Variants in GLI3 observed in about 807,000 individuals in gnomAD.
GLI3 encodes the protein GLI family zinc finger 3.
GLI3 carries 20 observed loss-of-function variants against 100.8 expected under a neutral mutation model. The ratio of observed to expected loss-of-function variants is 0.20; its 90% CI spans 0.14 to 0.29. GLI3 has a LOEUF of 0.29. Ranked by LOEUF, GLI3 falls within the 10% of genes least tolerant of loss-of-function variation. The probability of loss-of-function intolerance (pLI) is 1.00; values close to 1 mark genes in which losing one functional copy is unlikely to be tolerated. For missense variants in GLI3, 2,040 were observed against 2,128.5 expected (o/e 0.96, Z 0.82); for synonymous variants, 938 against 860.5 (o/e 1.09, Z -1.58).
At chr7:42,023,874 CA>C (rs1789021900) in intron 9 of GLI3, among the ~76,000 whole-genome samples, 1 of 151,718 alleles carries the variant, frequency 6.6e-6, no homozygotes, top group African/African-American at 2.4e-5. Flanking sequence ...GCCCTGATTA[CA>C]AAGCTGAAAA....
intron 7 of GLI3, among the ~76,000 whole-genome samples, chr7:42,038,913 T>C (rs1203325461): frequency 4.6e-5 from 7 of 152,180 alleles, no homozygotes; most frequent in Admixed American, 4.6e-4. Context: ...GGAAGACCTA[T>C]CAATGAACAA....
rs779333981 is a variant in GLI3 at position 41,972,315 on chromosome 7, A to G, written c.2103+22T>C. On this transcript the variant is annotated intron_variant, in intron 13 of 14. Transcript: ENST00000395925. This position sits in a 1 kb window ranked among gnomAD's most constrained non-coding sequence, Gnocchi z 4.4. ...TTTTAAATGGGCCTGCTGTGAAGTC[A>G]GAAGGAGAGTGAATGACATACCATT... The G allele has an allele frequency of 6.2e-7, 1 of 1,610,538 alleles. No homozygotes were observed.
intron 3 of GLI3, among the ~76,000 whole-genome samples, chr7:42,114,578 T>C (rs1169994590): frequency 3.3e-5 from 5 of 152,242 alleles, no homozygotes; most frequent in Non-Finnish European, 5.9e-5. Flanking sequence ...CGCACTGTGC[T>C]GTGAAGTTCC....
chr7:42,143,944 T>C (rs1477889092), intron 3 of GLI3, among the ~76,000 whole-genome samples: 3 of 152,158 alleles, frequency 2.0e-5, no homozygotes, highest in African/African-American at 7.2e-5. Flanking sequence ...GCAGAGACCC[T>C]ATAATATGAC....
chr7:42,207,011 T>C (rs1416903349), intron 2 of GLI3, among the ~76,000 whole-genome samples: 4 of 152,198 alleles, frequency 2.6e-5, no homozygotes, highest in Admixed American at 1.3e-4. Flanking sequence ...TACCACTGCA[T>C]AGCCCAAAGA....
chr7:42,139,264 A>G (rs1786508008), intron 3 of GLI3, among the ~76,000 whole-genome samples: 1 of 152,122 alleles, frequency 6.6e-6, no homozygotes, highest in Non-Finnish European at 1.5e-5. Flanking sequence ...AGCCACAGTT[A>G]TTTCCTATGT....
At chr7:42,167,552 G>A (rs368942797) in intron 2 of GLI3, among the ~76,000 whole-genome samples, 2 of 152,136 alleles carry the variant, frequency 1.3e-5, no homozygotes, top group African/African-American at 2.4e-5. Flanking sequence ...ATATACACTT[G>A]AAAGATTAAA....
intron 1 of GLI3, among the ~76,000 whole-genome samples, chr7:42,243,142 T>G (rs1788941640): frequency 6.6e-6 from 1 of 151,748 alleles, no homozygotes; most frequent in South Asian, 2.1e-4. Context: ...GCTTACAGTG[T>G]CCATGCGAGA....
chr7:42,183,406 T>TG (rs1231764718), intron 2 of GLI3, among the ~76,000 whole-genome samples: 2 of 152,126 alleles, frequency 1.3e-5, no homozygotes, highest in East Asian at 3.9e-4. Context: ...GTTATTTGGG[T>TG]GGGGGGCAAA....
chr7:42,042,727 C>T (rs1397708088), intron 6 of GLI3, among the ~76,000 whole-genome samples: 1 of 152,216 alleles, frequency 6.6e-6, no homozygotes, highest in African/African-American at 2.4e-5. Context: ...CCTTTTCACC[C>T]TTTCCATGAA....
At chr7:42,172,789 G>A in intron 2 of GLI3, 1 of 596,568 alleles carries the variant, frequency 1.7e-6, no homozygotes, top group Non-Finnish European at 3.0e-6. Context: ...ATTTAACAAA[G>A]CACAAGCCAT....
In GLI3 at chr7:41,978,712, C is replaced by G. The variant is rs1379804968; in HGVS notation, c.1534G>C (p.Glu512Gln). ...CAGTCCAGCCACCTGCACACGAACTCCTTCTTCTCTCCATGAATATGGTCG... is the reference window on the plus strand; with the variant it reads ...CAGTCCAGCCACCTGCACACGAACTGCTTCTTCTCTCCATGAATATGGTCG... ...NNDHIHGEKK[E>Q]FVCRWLDCSR... Residue 512 changes from glutamate to glutamine, a missense_variant, in exon 11 of 15, where the codon GAG becomes CAG. Glu to Gln is a conservative substitution (Grantham distance 29). Coordinates refer to ENST00000395925, the MANE Select transcript of GLI3 (RefSeq NM_000168.6). 3 of 1,613,940 alleles carry G rather than the reference C, an allele frequency of 1.9e-6. No individual in the cohort carries two copies. Among genetic ancestry groups the G allele is most frequent in the Non-Finnish European group, 2.5e-6 (3 of 1,179,834 alleles).
chr7:42,135,985 G>A (rs1786419713), intron 3 of GLI3, among the ~76,000 whole-genome samples: 1 of 152,214 alleles, frequency 6.6e-6, no homozygotes, highest in African/African-American at 2.4e-5. Flanking sequence ...GTGGGGCAGG[G>A]TGGTTTGCAG....
intron 3 of GLI3, among the ~76,000 whole-genome samples, chr7:42,077,215 C>T (rs1040069509): frequency 6.6e-6 from 1 of 152,164 alleles, no homozygotes; most frequent in Non-Finnish European, 1.5e-5. Context: ...TTAAAACACA[C>T]TTATTTGAAA....
Position 42,180,196 on chromosome 7 carries a change from G to A in GLI3, c.125-31728C>T, listed in dbSNP as rs759510407. On this transcript the variant is annotated intron_variant, in intron 2 of 14. Coordinates refer to ENST00000395925, the MANE Select transcript of GLI3 (RefSeq NM_000168.6). The stretch of plus-strand genomic sequence containing the variant: ...GGCCCAGCTATCATGCAGAGACTGT[G>A]CCAGGTGGAGCAGGGGGAAGACCCC... 2.4e-4 allele frequency among the ~76,000 whole-genome samples: 36 copies of A among 152,122 alleles called. 1 individual carries two copies. Among genetic ancestry groups the A allele is most frequent in the Admixed American group, 5.2e-4 (8 of 15,278 alleles).
intron 10 of GLI3, among the ~76,000 whole-genome samples, chr7:42,019,328 G>C (rs1196921835): frequency 1.3e-5 from 2 of 152,152 alleles, no homozygotes; most frequent in Non-Finnish European, 2.9e-5. Flanking sequence ...AGGTTTCAGA[G>C]AACCTGAGAC....
At chr7:42,224,031 T>C (rs1449768792) in intron 1 of GLI3, among the ~76,000 whole-genome samples, 3 of 152,218 alleles carry the variant, frequency 2.0e-5, no homozygotes, top group African/African-American at 7.2e-5. Flanking sequence ...ACTTAGGAAA[T>C]ATCAAAACTC....
At chr7:42,240,526 G>T (rs750722476), upstream of GLI3, among the ~76,000 whole-genome samples, 15 of 152,252 alleles carry the variant, frequency 9.9e-5, no homozygotes, top group Non-Finnish European at 1.8e-4. Context: ...CTGGCTTCTG[G>T]TGGTGGCTGT....
chr7:42,219,183 T>C (rs913395657), intron 2 of GLI3, among the ~76,000 whole-genome samples: 3 of 152,214 alleles, frequency 2.0e-5, no homozygotes, highest in African/African-American at 7.2e-5. Context: ...ATACTTTCTA[T>C]GGGAAAGCCA....
Sources: gnomAD v4.1 joint callset for allele counts (sites outside exome capture counted in the v4.1 genomes callset) on GRCh38, gnomAD v4.1.1 for gene constraint, Gnocchi (gnomAD v3.1) non-coding constraint, MANE v1.5 for transcripts, NCBI Gene and HGNC (gene_info 2026-07-23, HGNC 2026-07-21) for gene names.